ATXN1: variants seen among roughly 807,000 people sequenced by gnomAD.
ATXN1 encodes the protein ataxin 1.
Under a neutral mutation model 56.4 loss-of-function variants are expected in ATXN1, and 8 were observed. The observed-to-expected ratio is 0.14, with a 90% CI of 0.08 to 0.26. The LOEUF is 0.26. Among genes scored for constraint, ATXN1 ranks in the 10% least tolerant of loss-of-function variants. The pLI is 1.00. For missense variants in ATXN1, 987 were observed against 1,106.5 expected (o/e 0.89, Z 1.53); for synonymous variants, 514 against 494.6 (o/e 1.04, Z -0.52).
intron 6 of ATXN1, among the ~76,000 whole-genome samples, chr6:16,331,382 T>C (rs994270572): frequency 3.3e-5 from 5 of 152,200 alleles, no homozygotes; most frequent in Admixed American, 2.0e-4. Context: ...AATGAACTTT[T>C]ATCTTTAAAT....
At chr6:16,686,796 A>G (rs944586216) in intron 2 of ATXN1, among the ~76,000 whole-genome samples, 1 of 152,208 alleles carries the variant, frequency 6.6e-6, no homozygotes, top group Non-Finnish European at 1.5e-5. Context: ...AGTCCATCAA[A>G]TAAACAAGAA....
intron 3 of ATXN1, among the ~76,000 whole-genome samples, chr6:16,656,789 T>A (rs929552722): frequency 6.6e-6 from 1 of 152,072 alleles, no homozygotes; most frequent in Non-Finnish European, 1.5e-5. Context: ...ACAGAGTACT[T>A]TCACAGGCCT....
intron 6 of ATXN1, among the ~76,000 whole-genome samples, chr6:16,399,079 C>T (rs967893509): frequency 6.6e-6 from 1 of 152,190 alleles, no homozygotes; most frequent in Non-Finnish European, 1.5e-5. Flanking sequence ...CAGAACTAAC[C>T]ATCACAAAGG....
intron 6 of ATXN1, among the ~76,000 whole-genome samples, chr6:16,383,552 A>G (rs2113509809): frequency 6.6e-6 from 1 of 152,312 alleles, no homozygotes; most frequent in South Asian, 2.1e-4. Flanking sequence ...CTTAAAATAT[A>G]AGTTGCCCTT....
chr6:16,587,838 G>T lies in ATXN1; in HGVS notation c.-488-1931C>A, dbSNP rs960206201. Among the ~76,000 whole-genome samples, 14 of 151,860 alleles carry T rather than the reference G, an allele frequency of 9.2e-5. 1 individual carries two copies. The highest frequency in any genetic ancestry group is 8.5e-4 in the Admixed American group (13 of 15,268). On this transcript the variant is annotated intron_variant, in intron 3 of 7. Coordinates refer to ENST00000436367, the MANE Select transcript of ATXN1 (RefSeq NM_001128164.2). ...CCCAGTGACCCGGGAGGCTGAGGCA[G>T]GAGAATCGCTTGAACCTGGGAGGCA...
chr6:16,425,531 T>C (rs1759135214), intron 6 of ATXN1, among the ~76,000 whole-genome samples: 1 of 152,228 alleles, frequency 6.6e-6, no homozygotes, highest in African/African-American at 2.4e-5. Flanking sequence ...TCTTCAGGTA[T>C]TACTTTGTCC....
chr6:16,492,471 A>T (rs1235033059), intron 5 of ATXN1, among the ~76,000 whole-genome samples: 4 of 152,312 alleles, frequency 2.6e-5, no homozygotes, highest in African/African-American at 9.6e-5. Context: ...CACACAAAAA[A>T]AAATAAATAG....
intron 6 of ATXN1, among the ~76,000 whole-genome samples, chr6:16,424,021 A>G (rs1266419872): frequency 6.6e-6 from 1 of 152,176 alleles, no homozygotes; most frequent in Non-Finnish European, 1.5e-5. Context: ...AACCCCTTGG[A>G]GCACTTTTAC....
intron 3 of ATXN1, among the ~76,000 whole-genome samples, chr6:16,649,462 C>T (rs992152442): frequency 2.6e-5 from 4 of 152,044 alleles, no homozygotes; most frequent in Admixed American, 6.6e-5. Flanking sequence ...CTGATTTGGC[C>T]GACATGGTTA....
chr6:16,587,455 T>C (rs1008269042), intron 3 of ATXN1, among the ~76,000 whole-genome samples: 1 of 152,366 alleles, frequency 6.6e-6, no homozygotes, highest in South Asian at 2.1e-4. Context: ...TTAGAATCAC[T>C]GCAACACAAA....
At position 16,366,732 on chromosome 6, in the gene ATXN1, G is replaced by A. The variant is rs185049187; in HGVS notation, c.-160-38262C>T. On this transcript the variant is annotated intron_variant, in intron 6 of 7. Transcript: ENST00000436367. ...GGAGGTGGAGGTTGCAGTGAGCCGAGACTACACCACTACACTCCAGCCTGG... is the reference window on the plus strand; with the variant it reads ...GGAGGTGGAGGTTGCAGTGAGCCGAAACTACACCACTACACTCCAGCCTGG... 1.5e-3 allele frequency among the ~76,000 whole-genome samples: 171 copies of A among 113,012 alleles called. 1 individual carries two copies. Among genetic ancestry groups the A allele is most frequent in the African/African-American group, 4.4e-3 (130 of 29,356 alleles). The allele number at this position is 113,012 out of a possible 152,430, so 74.1% of individuals were successfully genotyped here.
intron 2 of ATXN1, among the ~76,000 whole-genome samples, chr6:16,713,436 T>G (rs988321290): frequency 6.6e-6 from 1 of 152,190 alleles, no homozygotes; most frequent in African/African-American, 2.4e-5. Flanking sequence ...TGTGTAGAAA[T>G]GATGTGTCAA....
chr6:16,538,464 G>T (rs1197299227), intron 4 of ATXN1, among the ~76,000 whole-genome samples: 2 of 151,458 alleles, frequency 1.3e-5, no homozygotes, highest in Non-Finnish European at 2.9e-5. Context: ...TAAGTTTTAG[G>T]GTACATGTGC....
At chr6:16,566,400 C>T (rs75947436) in intron 4 of ATXN1, among the ~76,000 whole-genome samples, 2,549 of 152,044 alleles carry the variant, frequency 0.017, 31 homozygotes, top group Middle Eastern at 0.037. Flanking sequence ...CTCTGGATTC[C>T]CCCAAACTCC....
chr6:16,383,165 C>T (rs919393692), intron 6 of ATXN1, among the ~76,000 whole-genome samples: 2 of 152,138 alleles, frequency 1.3e-5, no homozygotes, highest in African/African-American at 4.8e-5. Flanking sequence ...TCTGACCTCA[C>T]AAGGAATAGC....
chr6:16,545,584 C>T (rs892377167), intron 4 of ATXN1, among the ~76,000 whole-genome samples: 2 of 152,166 alleles, frequency 1.3e-5, no homozygotes, highest in Admixed American at 1.3e-4. Context: ...ACTTTTAAAG[C>T]AAGGCTGCAA....
At position 16,302,815 on chromosome 6, in the gene ATXN1, T is replaced by C. The variant is rs1026131518; in HGVS notation, c.*3514A>G. 6.6e-6 allele frequency: 1 copy of C among 152,616 alleles called. No individual in the cohort carries two copies. The highest frequency in any genetic ancestry group is 1.5e-5 in the Non-Finnish European group (1 of 68,034). 9.5% of individuals were successfully genotyped at this position (152,616 alleles called of 1,614,324 possible). On this transcript the variant is annotated 3_prime_UTR_variant, in exon 8 of 8. Transcript: ENST00000436367. ...GTCGGTAAATATTGCAAAGTGGACATAGTACAGAGGCACATGGCTGATCCT... is the reference window on the plus strand; with the variant it reads ...GTCGGTAAATATTGCAAAGTGGACACAGTACAGAGGCACATGGCTGATCCT...
At chr6:16,665,231 T>C (rs986133203) in intron 2 of ATXN1, among the ~76,000 whole-genome samples, 1 of 152,232 alleles carries the variant, frequency 6.6e-6, no homozygotes, top group Admixed American at 6.5e-5. Context: ...ATCTGAAGCA[T>C]AGAAATAAAC....
chr6:16,756,175 C>CA (rs1706688737), intron 1 of ATXN1, among the ~76,000 whole-genome samples: 1 of 151,790 alleles, frequency 6.6e-6, no homozygotes, highest in African/African-American at 2.4e-5. Context: ...AAAAACTTTC[C>CA]ATAAGATTTG....
Sources: allele counts gnomAD v4.1 joint callset (sites outside exome capture counted in the v4.1 genomes callset), GRCh38; gene constraint gnomAD v4.1.1; transcripts MANE v1.5; gene names NCBI Gene and HGNC (gene_info 2026-07-23, HGNC 2026-07-21).